Variants in NIN observed in about 807,000 individuals in gnomAD.
The protein encoded by NIN is glycogen synthase kinase 3 beta-interacting protein.
Under a neutral mutation model 257.6 loss-of-function variants are expected in NIN, and 137 were observed. That is an observed-to-expected ratio of 0.53 (90% CI 0.46 to 0.61). The LOEUF (loss-of-function observed/expected upper bound fraction) is 0.61. Ranked by LOEUF, NIN falls within the 20% of genes least tolerant of loss-of-function variation. The pLI is 0.00. For synonymous variants in NIN, 918 were observed against 919.8 expected, an observed-to-expected ratio of 1.00 and a Z score of 0.04; for missense variants, 2,439 against 2,501.2, an observed-to-expected ratio of 0.98 and a Z score of 0.53.
Position 50,792,779 on chromosome 14 carries a change from A to G in NIN, c.368T>C (p.Val123Ala). The G allele has an allele frequency of 6.2e-7, 1 of 1,614,150 alleles. No homozygotes were observed. The highest frequency in any genetic ancestry group is 1.6e-4 in the Middle Eastern group (1 of 6,062). ...FQESVEEFPEVTVIEPLDEEA... is the reference protein window; with the variant it reads ...FQESVEEFPEATVIEPLDEEA... The stretch of plus-strand genomic sequence containing the variant: ...TTCATCCAGTGGCTCAATCACCGTC[A>G]CTTCAGGAAACTCCTCCACGGACTC... Residue 123 changes from valine (V) to alanine (A), a missense_variant, in exon 5 of 31, where the codon GTG becomes GCG. Around this residue, in one of 3 missense-constraint regions of NIN, gnomAD observed 387 missense variants for 427.3 expected, o/e 0.91. Transcript: ENST00000530997.
intron 4 of NIN, chr14:50,805,820 C>G (rs2044299273): frequency 6.6e-6 from 1 of 152,310 alleles, no homozygotes; most frequent in South Asian, 2.1e-4. Context: ...AATCCTGTAA[C>G]TACTAGCACC....
chr14:50,793,403 C>T (rs752797892), intron 4 of NIN, among the ~76,000 whole-genome samples: 6 of 151,580 alleles, frequency 4.0e-5, no homozygotes, highest in Non-Finnish European at 8.8e-5. Flanking sequence ...AAGCAGATGA[C>T]AAAACAAAGA....
Position 50,772,310 on chromosome 14 carries a change from C to T in NIN, c.972G>A (p.Glu324=). The T allele has an allele frequency of 1.2e-6, 2 of 1,603,752 alleles. No homozygotes were observed. Among genetic ancestry groups the T allele is most frequent in the Non-Finnish European group, 1.7e-6 (2 of 1,171,358 alleles). Residue 324 remains glutamate, a synonymous_variant, in exon 9 of 31, where the codon GAG becomes GAA. Transcript: ENST00000530997. ...WQEEGIENSQ[E]ILKALDFSLD... is the part of the protein sequence containing the mutation. ...ATTTTAGCTGCCACACCTTCAGGAT[C>T]TCCTGGCTGTTCTCAATGCCCTCTT...
At chr14:50,816,969 T>G (rs2044929750) in intron 3 of NIN, among the ~76,000 whole-genome samples, 1 of 152,234 alleles carries the variant, frequency 6.6e-6, no homozygotes, top group Non-Finnish European at 1.5e-5. Flanking sequence ...AAAGCATTAA[T>G]ACAGAGTCAA....
rs2040284458 is a variant in NIN at position 50,722,188 on chromosome 14, A to G, written c.*1275T>C. On this transcript the variant is annotated 3_prime_UTR_variant, in exon 31 of 31. Transcript: ENST00000530997. ...GAAAAAAAAGGTTACCGAATCTAAA[A>G]TGTTGACTGTTCTATAAAGTTTTGA... 4.4e-6 allele frequency: 1 copy of G among 227,340 alleles called. No individual in the cohort carries two copies. The highest frequency in any genetic ancestry group is 2.2e-5 in the African/African-American group (1 of 45,020). 14.1% of individuals were successfully genotyped at this position (227,340 alleles called of 1,614,324 possible). A position where few individuals can be genotyped will look rare whatever the true frequency, so the allele number is the denominator to read the frequency against.
At chr14:50,821,599 C>T (rs545367442) in intron 3 of NIN, among the ~76,000 whole-genome samples, 100 of 152,204 alleles carry the variant, frequency 6.6e-4, no homozygotes, top group Non-Finnish European at 8.7e-4. Flanking sequence ...TAAAATAAAC[C>T]ACAAAGAACA....
At chr14:50,822,389 C>T (rs2045267155) in intron 2 of NIN, among the ~76,000 whole-genome samples, 1 of 152,236 alleles carries the variant, frequency 6.6e-6, no homozygotes, top group Non-Finnish European at 1.5e-5. Flanking sequence ...CTCAGGCGGA[C>T]AGCCAGACTG....
intron 29 of NIN, chr14:50,727,524 G>A (rs2040468590): frequency 8.1e-7 from 1 of 1,227,252 alleles, no homozygotes; most frequent in African/African-American, 1.5e-5. Flanking sequence ...ATAAATAAGA[G>A]ACATAATACT....
Position 50,748,113 on chromosome 14 carries a change from A to T in NIN, c.4951-8T>A. On this transcript the variant is annotated splice_region_variant and splice_polypyrimidine_tract_variant and intron_variant, in intron 21 of 30. Transcript: ENST00000530997. ...AGACACTAAAGTGGAGGACTAAGAG[A>T]AAAATGAAAAAGTCAAATAACAGAC... 1.3e-6 allele frequency: 2 copies of T among 1,583,740 alleles called. No homozygotes were observed. The highest frequency in any genetic ancestry group is 1.7e-6 in the Non-Finnish European group (2 of 1,153,194).
chr14:50,780,826 G>A (rs1002890604), intron 5 of NIN, among the ~76,000 whole-genome samples: 1 of 152,210 alleles, frequency 6.6e-6, no homozygotes, highest in Non-Finnish European at 1.5e-5. Context: ...TCAATGAAAA[G>A]TGAATTAGGA....
At chr14:50,800,299 A>AT (rs1303448351) in intron 4 of NIN, among the ~76,000 whole-genome samples, 2 of 152,164 alleles carry the variant, frequency 1.3e-5, no homozygotes, top group Non-Finnish European at 2.9e-5. Flanking sequence ...CTGACTATCC[A>AT]TTATCTGAAA....
intron 6 of NIN, among the ~76,000 whole-genome samples, chr14:50,778,402 C>A (rs1014990): frequency 0.3 from 45,857 of 151,976 alleles, 7,460 homozygotes; most frequent in African/African-American, 0.42. Flanking sequence ...TACTGCGTTC[C>A]AGTAATCCTC....
chr14:50,776,818 G>T, intron 7 of NIN, 131 bp downstream of exon 7: 1 of 800,804 alleles, frequency 1.2e-6, no homozygotes, highest in Non-Finnish European at 2.0e-6. Context: ...GAATCTTCAT[G>T]AATGACTTCT....
intron 5 of NIN, among the ~76,000 whole-genome samples, chr14:50,780,125 C>T (rs2043075775): frequency 6.6e-6 from 1 of 152,228 alleles, no homozygotes; most frequent in African/African-American, 2.4e-5. Context: ...CCAGTTGCAA[C>T]AAGTAGGTCC....
intron 12 of NIN, among the ~76,000 whole-genome samples, chr14:50,769,803 C>T (rs540687150): frequency 1.3e-5 from 2 of 151,904 alleles, no homozygotes; most frequent in South Asian, 2.1e-4. Flanking sequence ...ATTAGCTGAG[C>T]ATAATAACAT....
At chr14:50,758,750 T>G (rs1028515238) in intron 17 of NIN, 120 bp from the exon 18 acceptor site, 1 of 852,388 alleles carries the variant, frequency 1.2e-6, no homozygotes, top group Non-Finnish European at 1.7e-6. Context: ...TCCCTAAAAA[T>G]GCTCTTAACT....
intron 29 of NIN, among the ~76,000 whole-genome samples, chr14:50,726,706 C>G (rs116063610): frequency 6.6e-6 from 1 of 152,110 alleles, no homozygotes; most frequent in East Asian, 1.9e-4. Context: ...TCTCACACAA[C>G]GGTGATGGGT....
chr14:50,740,352 CT>C (rs58542931), intron 25 of NIN, among the ~76,000 whole-genome samples: 226 of 135,590 alleles, frequency 1.7e-3, no homozygotes, highest in Admixed American at 2.1e-3. Flanking sequence ...CCACAGCTGG[CT>C]TTTTTTTTTT....
At chr14:50,765,009 G>C (rs2042417136) in intron 14 of NIN, among the ~76,000 whole-genome samples, 1 of 145,888 alleles carries the variant, frequency 6.9e-6, no homozygotes, top group African/African-American at 2.5e-5. Context: ...CAGATCACCT[G>C]AGGTCAGGAG....
Sources: allele counts gnomAD v4.1 joint callset (sites outside exome capture counted in the v4.1 genomes callset), GRCh38; gene constraint gnomAD v4.1.1; regional missense constraint gnomAD v4.1.1; transcripts MANE v1.5; gene names NCBI Gene and HGNC (gene_info 2026-07-23, HGNC 2026-07-21).